Variants in SH2D3A observed in about 807,000 individuals in gnomAD.
SH2D3A encodes the protein SH2 domain-containing protein 3A.
Under a neutral mutation model 50.6 loss-of-function variants are expected in SH2D3A, and 46 were observed. That is an observed-to-expected ratio of 0.91 (90% confidence interval 0.72 to 1.16). The LOEUF (loss-of-function observed/expected upper bound fraction) is 1.16, where lower values mean the gene tolerates loss of function less well. SH2D3A is among the 50% of genes most tolerant of loss of function. SH2D3A has a pLI of 0.00. For missense variants in SH2D3A, 783 were observed against 786.2 expected, an observed-to-expected ratio of 1.00 and a Z score of 0.05; for synonymous variants, 377 against 348.4, an observed-to-expected ratio of 1.08 and a Z score of -0.91.
chr19:6,753,985 C>G (rs1969489696), intron 8 of SH2D3A, 67 bp downstream of exon 8: 1 of 1,496,278 alleles, frequency 6.7e-7, no homozygotes, highest in Admixed American at 2.2e-5. Flanking sequence ...GGGCATAGGA[C>G]TAGATTGAGT....
At chr19:6,763,218 C>T (rs999611322) in intron 2 of SH2D3A, among the ~76,000 whole-genome samples, 1 of 152,122 alleles carries the variant, frequency 6.6e-6, no homozygotes, top group Non-Finnish European at 1.5e-5. Context: ...CGCATACCAC[C>T]ATGTCTGGCT....
At chr19:6,754,779 T>C (rs763126022) in intron 5 of SH2D3A, 48 bp from the exon 6 acceptor site, 3 of 1,613,584 alleles carry the variant, frequency 1.9e-6, no homozygotes, top group Admixed American at 3.3e-5. Context: ...TATGTAGGCA[T>C]GGTTGGGTCT....
intron 4 of SH2D3A, among the ~76,000 whole-genome samples, chr19:6,755,956 G>T (rs969726928): frequency 6.6e-6 from 1 of 151,040 alleles, no homozygotes; most frequent in Non-Finnish European, 1.5e-5. Flanking sequence ...GCATGCACCT[G>T]TGGTCCCAGC....
Position 6,754,424 on chromosome 19 carries a change from G to A in SH2D3A, c.1099C>T (p.His367Tyr). The A allele has an allele frequency of 6.6e-7, 1 of 1,524,366 alleles. No individual in the cohort carries two copies. The highest frequency in any genetic ancestry group is 8.7e-7 in the Non-Finnish European group (1 of 1,146,756). 94.4% of individuals were successfully genotyped at this position (1,524,366 alleles called of 1,614,324 possible). A position where few individuals can be genotyped will look rare whatever the true frequency, so the allele number is the denominator to read the frequency against. ...GCCCCGGCCAGCGCCAGTGTCTGAT[G>A]CCTGCAGAGGTGGAGGGCAAGGGTC... ...HHLRLELLER[H>Y]QTLALAGALA... Residue 367 changes from histidine to tyrosine, a missense_variant and splice_region_variant, in exon 7 of 10, where the codon CAT (histidine) becomes TAT (tyrosine). Coordinates refer to ENST00000245908, the MANE Select transcript of SH2D3A (RefSeq NM_005490.3).
At chr19:6,753,168 G>A (rs1051351258) in intron 9 of SH2D3A, 2 of 985,056 alleles carry the variant, frequency 2.0e-6, no homozygotes, top group African/African-American at 3.5e-5. Flanking sequence ...CGAGATCCCT[G>A]GGGGACGGGA....
rs953200485 is a variant in SH2D3A, at chr19:6,760,842, C to T, written c.215G>A (p.Gly72Asp). The change falls in exon 3 of 10, where the codon GGC (glycine) becomes GAC (aspartate). Residue 72 changes from glycine to aspartate, a missense_variant. Physicochemically the swap from Gly to Asp is moderately conservative, Grantham distance 94 (BLOSUM62 -1). Coordinates refer to ENST00000245908, the MANE Select transcript of SH2D3A (RefSeq NM_005490.3). Reference protein sequence around the residue: ...VFRVALRPRPGRPTALFQLED... With the variant: ...VFRVALRPRPDRPTALFQLED... ...CAGTTGAAAGAGGGCTGTGGGTCGG[C>T]CTGGCCGGGGACGCAGGGCCACACG... 8.1e-6 allele frequency: 13 copies of T among 1,614,132 alleles called. No individual in the cohort carries two copies. The highest frequency in any genetic ancestry group is 6.7e-5 in the Admixed American group (4 of 60,000).
intron 4 of SH2D3A, 28 bp downstream of exon 4, chr19:6,759,566 G>A: frequency 6.2e-7 from 1 of 1,609,574 alleles, no homozygotes; most frequent in Non-Finnish European, 8.5e-7. Context: ...CAATCCCTGA[G>A]CCACAGGCCA....
At position 6,756,233 on chromosome 19, in the gene SH2D3A, T is replaced by C. The variant is rs1049070928; in HGVS notation, c.497-918A>G. Among the ~76,000 whole-genome samples, 4 of 148,968 alleles carry C rather than the reference T, an allele frequency of 2.7e-5. No homozygotes were observed. The Admixed American group carries it at 2.7e-4, about 10-fold the overall frequency. Reference sequence around the variant, plus strand: ...ATTAAATGTATAATGTTGCCCTATATACTACATATAATTACATTTATATAT... The same window carrying C: ...ATTAAATGTATAATGTTGCCCTATACACTACATATAATTACATTTATATAT... On this transcript the variant is annotated intron_variant, in intron 4 of 9. Transcript: ENST00000245908.
rs1264847464 is a variant in SH2D3A, at chr19:6,755,399, C to T, written c.497-84G>A. 8.5e-5 allele frequency: 80 copies of T among 938,186 alleles called. 1 individual carries two copies. Among genetic ancestry groups the T allele is most frequent in the Non-Finnish European group, 1.5e-6 (1 of 651,028 alleles). 58.1% of individuals were successfully genotyped at this position (938,186 alleles called of 1,614,324 possible). On this transcript the variant is annotated intron_variant, in intron 4 of 9. Coordinates refer to ENST00000245908, the MANE Select transcript of SH2D3A (RefSeq NM_005490.3). Reference sequence around the variant, plus strand: ...GGGGTGAGAGCTTCATCGGCTACCACCCACCTGATCCATCCACTCATTCCA... The same window carrying T: ...GGGGTGAGAGCTTCATCGGCTACCATCCACCTGATCCATCCACTCATTCCA...
intron 6 of SH2D3A, 53 bp from the exon 7 acceptor site, chr19:6,754,478 G>C: frequency 6.5e-7 from 1 of 1,535,474 alleles, no homozygotes; most frequent in Non-Finnish European, 8.7e-7. Flanking sequence ...TTGTAATGCA[G>C]GGGTGAGGGG....
Position 6,755,065 on chromosome 19 carries a change from G to C in SH2D3A, c.747C>G (p.Ser249Arg). 1 of 1,613,918 alleles carries C rather than the reference G, an allele frequency of 6.2e-7. No homozygotes were observed. Among genetic ancestry groups the C allele is most frequent in the South Asian group, 1.1e-5 (1 of 91,070 alleles). ...PSVQGTSPSQSCPEPEAPWWE... is the reference protein window; with the variant it reads ...PSVQGTSPSQRCPEPEAPWWE... ...ACCATGGGGCCTCTGGCTCTGGGCA[G>C]CTTTGGCTCGGGGATGTTCCCTGGA... Residue 249 changes from serine to arginine, a missense_variant, in exon 5 of 10, where the codon AGC (serine) becomes AGG (arginine). By Grantham distance (110) the Ser-to-Arg change is moderately radical. Coordinates refer to ENST00000245908, the MANE Select transcript of SH2D3A (RefSeq NM_005490.3).
intron 2 of SH2D3A, among the ~76,000 whole-genome samples, chr19:6,763,117 G>T (rs528766234): frequency 6.6e-6 from 1 of 151,886 alleles, no homozygotes; most frequent in Non-Finnish European, 1.5e-5. Context: ...AGTCTGGAGT[G>T]CAGTGGCACA....
Position 6,755,269 on chromosome 19 carries a change from G to C in SH2D3A, c.543C>G (p.Asp181Glu). 7.9e-6 allele frequency: 12 copies of C among 1,523,994 alleles called. No homozygotes were observed. The highest frequency in any genetic ancestry group is 1.8e-4 in the Middle Eastern group (1 of 5,620). The allele number at this position is 1,523,994 out of a possible 1,614,324, so 94.4% of individuals were successfully genotyped here. The change falls in exon 5 of 10, where the codon GAC becomes GAG. Residue 181 changes from aspartate (D) to glutamate (E), a missense_variant. Coordinates refer to ENST00000245908, the MANE Select transcript of SH2D3A (RefSeq NM_005490.3). ...GAGCAGGGGCCTTCAGCAACACCGG[G>C]TCACTGCTCGTTCGGGGCAAGGCAG... is the stretch of plus-strand genomic sequence containing the variant. Reference protein sequence around the residue: ...PISALPRTSSDPVLLKAPAPL... With the variant: ...PISALPRTSSEPVLLKAPAPL...
In SH2D3A at chr19:6,760,639, T is replaced by A. The variant is rs1429166382; in HGVS notation, c.418A>T (p.Arg140Trp). The change falls in exon 3 of 10, where the codon AGG (arginine) becomes TGG (tryptophan). Residue 140 changes from arginine (R) to tryptophan (W), a missense_variant and splice_region_variant. Physicochemically the swap from Arg to Trp is moderately radical, Grantham distance 101 (BLOSUM62 -3). Coordinates refer to ENST00000245908, the MANE Select transcript of SH2D3A (RefSeq NM_005490.3). ...AGGAGGCAGGGAGACTGTGAGTACC[T>A]GAGAGGCTCTATCCGAGCTGGGCCA... is the stretch of plus-strand genomic sequence containing the variant. ...MDGPARIEPL[R>W]ARKWSNSQPA... The A allele has an allele frequency of 6.4e-7, 1 of 1,564,068 alleles. No individual in the cohort carries two copies. The highest frequency in any genetic ancestry group is 1.4e-5 in the African/African-American group (1 of 73,512).
In SH2D3A at chr19:6,754,416, T is replaced by G; in HGVS notation, c.1107A>C (p.Thr369=). 1 of 1,524,980 alleles carries G rather than the reference T, an allele frequency of 6.6e-7. No individual in the cohort carries two copies. The highest frequency in any genetic ancestry group is 8.7e-7 in the Non-Finnish European group (1 of 1,147,458). 94.5% of individuals were successfully genotyped at this position (1,524,980 alleles called of 1,614,324 possible). The part of the protein sequence containing the change: ...LRLELLERHQ[T]LALAGALAVL... ...CCGCCAGCGCCCCGGCCAGCGCCAG[T>G]GTCTGATGCCTGCAGAGGTGGAGGG... The change falls in exon 7 of 10, where the codon ACA becomes ACC. Residue 369 remains threonine (T), a synonymous_variant. Transcript: ENST00000245908.
rs774107336 is a variant in SH2D3A, at chr19:6,755,123, G to C, written c.689C>G (p.Thr230Arg). ...CACTCGGGGCACCAGCTCGCAGTAC[G>C]TCGGGGGACGTTCAGAGGCATCAGG... is the stretch of plus-strand genomic sequence containing the variant. ...ELPDASERPP[T>R]YCELVPRVPS... is the part of the protein sequence containing the mutation. The change falls in exon 5 of 10, where the codon ACG becomes AGG. Residue 230 changes from threonine (T) to arginine (R), a missense_variant. By Grantham distance (71) the Thr-to-Arg change is moderately conservative. Coordinates refer to ENST00000245908, the MANE Select transcript of SH2D3A (RefSeq NM_005490.3). The C allele has an allele frequency of 6.2e-7, 1 of 1,613,790 alleles. No individual in the cohort carries two copies. Among genetic ancestry groups the C allele is most frequent in the African/African-American group, 1.3e-5 (1 of 74,908 alleles).
In SH2D3A at chr19:6,755,204, C is replaced by G. The variant is rs1266746780; in HGVS notation, c.608G>C (p.Gly203Ala). The change falls in exon 5 of 10, where the codon GGG becomes GCG. Residue 203 changes from glycine (G) to alanine (A), a missense_variant. Physicochemically the swap from Gly to Ala is moderately conservative, Grantham distance 60 (BLOSUM62 0). Coordinates refer to ENST00000245908, the MANE Select transcript of SH2D3A (RefSeq NM_005490.3). Reference sequence around the variant, plus strand: ...CGTTGGTGCCTTGGCTTGAAGCTGCCCATCGGAGGCCCTGAGACTGTCGGC... The same window carrying G: ...CGTTGGTGCCTTGGCTTGAAGCTGCGCATCGGAGGCCCTGAGACTGTCGGC... ...TVADSLRASD[G>A]QLQAKAPTKP... The G allele has an allele frequency of 6.3e-7, 1 of 1,577,520 alleles. No individual in the cohort carries two copies.
intron 5 of SH2D3A, 24 bp downstream of exon 5, chr19:6,754,807 G>A (rs1376356856): frequency 6.2e-7 from 1 of 1,611,724 alleles, no homozygotes. Flanking sequence ...GGCCTGGGGA[G>A]GAGCATCCCA....
intron 3 of SH2D3A, 99 bp from the exon 4 acceptor site, chr19:6,759,769 G>A: frequency 8.3e-7 from 1 of 1,210,596 alleles, no homozygotes; most frequent in South Asian, 1.4e-5. Flanking sequence ...GTACCAGTGA[G>A]TCTCAACCAA....
Sources: gnomAD v4.1 joint callset for allele counts (sites outside exome capture counted in the v4.1 genomes callset) on GRCh38, gnomAD v4.1.1 for gene constraint, MANE v1.5 for transcripts, NCBI Gene and HGNC (gene_info 2026-07-23, HGNC 2026-07-21) for gene names.